Variants in SP4 observed in about 807,000 individuals in gnomAD.
SP4 encodes Sp4 transcription factor, also known as transcription factor Sp4.
A neutral mutation model predicts 72.8 loss-of-function variants in SP4; 19 were observed. The ratio of observed to expected loss-of-function variants is 0.26; its 90% CI spans 0.18 to 0.38. The LOEUF (loss-of-function observed/expected upper bound fraction) is 0.38, where lower values mean the gene tolerates loss of function less well. Ranked by LOEUF, SP4 falls within the 10% of genes least tolerant of loss-of-function variation. The probability of loss-of-function intolerance (pLI) is 1.00; values close to 1 mark genes in which losing one functional copy is unlikely to be tolerated. For missense variants in SP4, 1,008 were observed against 926.3 expected (o/e 1.09, Z -1.14); for synonymous variants, 395 against 333.1 (o/e 1.19, Z -2.02).
rs369516615 is a variant in SP4 at position 21,430,088 on chromosome 7, C to A, written c.923C>A (p.Thr308Asn). 6.2e-7 allele frequency: 1 copy of A among 1,614,092 alleles called. No homozygotes were observed. Among genetic ancestry groups the A allele is most frequent in the African/African-American group, 1.3e-5 (1 of 74,930 alleles). Reference protein sequence around the residue: ...NQLVSTPTNTTTSASTMPESP... With the variant: ...NQLVSTPTNTNTSASTMPESP... ...TTAGTTTCCACACCCACCAACACCA[C>A]TACTTCTGCCAGTACTATGCCAGAA... Residue 308 changes from threonine to asparagine, a missense_variant, in exon 3 of 6, where the codon ACT becomes AAT. Thr to Asn is a moderately conservative substitution (Grantham distance 65). Transcript: ENST00000222584.
intron 5 of SP4, among the ~76,000 whole-genome samples, chr7:21,493,171 G>T (rs919817638): frequency 6.7e-6 from 1 of 149,466 alleles, no homozygotes; most frequent in African/African-American, 2.5e-5. Flanking sequence ...TTGCACTCCA[G>T]CCTGGACGAC....
At chr7:21,465,736 C>T (rs1476583588) in intron 3 of SP4, among the ~76,000 whole-genome samples, 2 of 152,116 alleles carry the variant, frequency 1.3e-5, no homozygotes, top group Admixed American at 6.5e-5. Context: ...TATGGTGGCA[C>T]TTGCCTGTTG....
At position 21,429,251 on chromosome 7, in the gene SP4, T is replaced by TC. The variant is rs55964829; in HGVS notation, c.124-28dup. ...CTCCACTAAATCCGCCCACTTTTTT[T>TC]CCCCCCCCCCTCTCCTTTACCGTCC... is the stretch of plus-strand genomic sequence containing the variant. On this transcript the variant is annotated intron_variant, in intron 2 of 5. Transcript: ENST00000222584. The TC allele has an allele frequency of 7.1e-4, 732 of 1,025,748 alleles. 1 individual carries two copies. The highest frequency in any genetic ancestry group is 8.7e-4 in the Middle Eastern group (4 of 4,582). 63.5% of individuals were successfully genotyped at this position (1,025,748 alleles called of 1,614,324 possible). A position where few individuals can be genotyped will look rare whatever the true frequency, so the allele number is the denominator to read the frequency against.
intron 3 of SP4, among the ~76,000 whole-genome samples, chr7:21,437,255 G>A (rs1783078921): frequency 6.6e-6 from 1 of 152,098 alleles, no homozygotes; most frequent in African/African-American, 2.4e-5. Context: ...AAAGAACCGA[G>A]GAATCACTGG....
chr7:21,490,070 A>G (rs892615684), intron 5 of SP4, among the ~76,000 whole-genome samples: 5 of 152,242 alleles, frequency 3.3e-5, no homozygotes, highest in South Asian at 4.1e-4. Flanking sequence ...TCCATTGACT[A>G]CACTAAAAAC....
chr7:21,463,723 G>A (rs1231020126), intron 3 of SP4, among the ~76,000 whole-genome samples: 1 of 152,194 alleles, frequency 6.6e-6, no homozygotes, highest in Non-Finnish European at 1.5e-5. Context: ...TTTGAGCTGG[G>A]TTGTGTCTGT....
chr7:21,463,225 A>C (rs1784051355), intron 3 of SP4, among the ~76,000 whole-genome samples: 2 of 152,130 alleles, frequency 1.3e-5, no homozygotes, highest in Non-Finnish European at 2.9e-5. Flanking sequence ...CTTCTCAGTA[A>C]ATTAGGAGGC....
intron 3 of SP4, among the ~76,000 whole-genome samples, chr7:21,455,741 A>G (rs1032637595): frequency 1.3e-5 from 2 of 152,138 alleles, no homozygotes; most frequent in African/African-American, 4.8e-5. Flanking sequence ...CCTGGAACCA[A>G]CCTTCATCTC....
chr7:21,433,763 A>T (rs1048609436), intron 3 of SP4, among the ~76,000 whole-genome samples: 3 of 152,136 alleles, frequency 2.0e-5, no homozygotes, highest in African/African-American at 7.2e-5. Context: ...CAACATGGAG[A>T]AACCCTGTCT....
At position 21,496,817 on chromosome 7, in the gene SP4, A is replaced by C. The variant is rs1015561513; in HGVS notation, c.2108-14205A>C. Among the ~76,000 whole-genome samples, 58 of 152,196 alleles carry C rather than the reference A, an allele frequency of 3.8e-4. 2 individuals are homozygous for C. Among genetic ancestry groups the C allele is most frequent in the Admixed American group, 3.5e-3 (53 of 15,278 alleles). On this transcript the variant is annotated intron_variant, in intron 5 of 5. Coordinates refer to ENST00000222584, the MANE Select transcript of SP4 (RefSeq NM_003112.5). ...TGCAGCTTGCCTTCAGCACTCAGCCAGTCATTTGACATCTCTGCCTTAGCC... is the reference window on the plus strand; with the variant it reads ...TGCAGCTTGCCTTCAGCACTCAGCCCGTCATTTGACATCTCTGCCTTAGCC...
At chr7:21,459,627 A>G (rs1197311963) in intron 3 of SP4, among the ~76,000 whole-genome samples, 2 of 152,242 alleles carry the variant, frequency 1.3e-5, no homozygotes, top group Non-Finnish European at 2.9e-5. Context: ...TAATAAGATT[A>G]TACTGTTTTT....
In SP4 at chr7:21,482,260, T is replaced by C. The variant is rs894752673; in HGVS notation, c.2107+137T>C. The C allele has an allele frequency of 4.6e-6, 3 of 652,732 alleles. No homozygotes were observed. In the African/African-American group the frequency reaches 5.5e-5, roughly 12 times the overall value. The allele number at this position is 652,732 out of a possible 1,614,324, so 40.4% of individuals were successfully genotyped here. On this transcript the variant is annotated intron_variant, in intron 5 of 5. Coordinates refer to ENST00000222584, the MANE Select transcript of SP4 (RefSeq NM_003112.5). ...TTTACTTTAGCAATTATATGGAAGA[T>C]GTTTAAGATGAACATTTTTAACCTC...
chr7:21,488,778 A>G (rs1344583096), intron 5 of SP4, among the ~76,000 whole-genome samples: 5 of 152,256 alleles, frequency 3.3e-5, no homozygotes, highest in Admixed American at 3.3e-4. Flanking sequence ...AAAAAAAAAT[A>G]CTGATAACTT....
chr7:21,428,565 T>G, intron 1 of SP4, 112 bp from the exon 2 acceptor site: 2 of 1,021,096 alleles, frequency 2.0e-6, no homozygotes, highest in Non-Finnish European at 2.8e-6. Flanking sequence ...GATCGCGGGT[T>G]TATGGAGATT....
chr7:21,471,521 C>T (rs556903444), intron 3 of SP4, among the ~76,000 whole-genome samples: 9 of 152,126 alleles, frequency 5.9e-5, no homozygotes, highest in Admixed American at 5.2e-4. Context: ...CCCCTGAGAA[C>T]CTTAGTTTTC....
chr7:21,443,174 TC>T (rs1783315259), intron 3 of SP4, among the ~76,000 whole-genome samples: 1 of 152,224 alleles, frequency 6.6e-6, no homozygotes, highest in African/African-American at 2.4e-5. Flanking sequence ...TTCTATTTTT[TC>T]TCACACCTTG....
chr7:21,492,279 A>G (rs962618539), intron 5 of SP4, among the ~76,000 whole-genome samples: 3 of 152,326 alleles, frequency 2.0e-5, no homozygotes, highest in African/African-American at 7.2e-5. Context: ...ACTCCCCTAA[A>G]TGTCTCCTAT....
chr7:21,475,103 T>C (rs1784460195), intron 3 of SP4, among the ~76,000 whole-genome samples: 1 of 151,354 alleles, frequency 6.6e-6, no homozygotes, highest in South Asian at 2.1e-4. Context: ...CCACCCTTTT[T>C]TTGTTTTTTG....
chr7:21,477,220 A>G lies in SP4; in HGVS notation c.1820A>G (p.Gln607Arg), dbSNP rs1489495133. 3 of 1,614,104 alleles carry G rather than the reference A, an allele frequency of 1.9e-6. No homozygotes were observed. The highest frequency in any genetic ancestry group is 2.5e-6 in the Non-Finnish European group (3 of 1,180,030). Residue 607 changes from glutamine (Q) to arginine (R), a missense_variant, in exon 4 of 6, where the codon CAG becomes CGG. By Grantham distance (43) the Gln-to-Arg change is conservative. Around this residue, in one of 3 missense-constraint regions of SP4, gnomAD observed 893 missense variants for 743.3 expected, o/e 1.20. Coordinates refer to ENST00000222584, the MANE Select transcript of SP4 (RefSeq NM_003112.5). Reference sequence around the variant, plus strand: ...ACACAAGTGCATTTGCAGCAAGGCCAGCAGACTTCTGATCAAGAGGTACAA... The same window carrying G: ...ACACAAGTGCATTTGCAGCAAGGCCGGCAGACTTCTGATCAAGAGGTACAA... ...QLTQVHLQQG[Q>R]QTSDQEVQPG...
Sources: gnomAD v4.1 joint callset for allele counts (sites outside exome capture counted in the v4.1 genomes callset) on GRCh38, gnomAD v4.1.1 for gene constraint, gnomAD v4.1.1 regional missense constraint, MANE v1.5 for transcripts, NCBI Gene and HGNC (gene_info 2026-07-23, HGNC 2026-07-21) for gene names.